Variants in ABCA4 observed in about 807,000 individuals in gnomAD.
ABCA4 encodes the protein ATP binding cassette subfamily A member 4.
In ABCA4, 196 loss-of-function variants were observed where a neutral mutation model predicts 263.7. The ratio of observed to expected loss-of-function variants is 0.74; its 90% CI spans 0.66 to 0.84. ABCA4 has a LOEUF of 0.84. Ranked by LOEUF, ABCA4 falls within the 40% of genes least tolerant of loss-of-function variation. The pLI is 0.00. For missense variants in ABCA4, 2,792 were observed against 2,855.1 expected (o/e 0.98, Z 0.50); for synonymous variants, 1,133 against 1,094.2 (o/e 1.04, Z -0.70).
intron 38 of ABCA4, 42 bp from the exon 39 acceptor site, chr1:94,011,427 CA>C (rs1659544278): frequency 2.5e-6 from 4 of 1,602,896 alleles, no homozygotes; most frequent in Non-Finnish European, 3.4e-6. Context: ...GGGCAAACCC[CA>C]CCCCCCCTCT....
Position 93,993,143 on chromosome 1 carries a change from G to T in ABCA4, c.*94C>A. On this transcript the variant is annotated 3_prime_UTR_variant, in exon 50 of 50. Coordinates refer to ENST00000370225, the MANE Select transcript of ABCA4 (RefSeq NM_000350.3). ...TGCTGCAGTGGGGTCATTTACGCTGGCCAGTCCATTTGGATGACCATATGG... is the reference window on the plus strand; with the variant it reads ...TGCTGCAGTGGGGTCATTTACGCTGTCCAGTCCATTTGGATGACCATATGG... The T allele has an allele frequency of 6.5e-7, 1 of 1,531,948 alleles. No individual in the cohort carries two copies. The highest frequency in any genetic ancestry group is 9.0e-7 in the Non-Finnish European group (1 of 1,107,722). 94.9% of individuals were successfully genotyped at this position (1,531,948 alleles called of 1,614,324 possible).
intron 17 of ABCA4, among the ~76,000 whole-genome samples, chr1:94,049,619 G>T (rs1008960270): frequency 6.6e-6 from 1 of 152,112 alleles, no homozygotes; most frequent in Non-Finnish European, 1.5e-5. Context: ...GTGAGACTCT[G>T]TCTCAAAAAA....
At chr1:94,055,083 C>A (rs1570385840) in intron 16 of ABCA4, 28 bp downstream of exon 16, 1 of 1,603,772 alleles carries the variant, frequency 6.2e-7, no homozygotes, top group East Asian at 2.2e-5. Flanking sequence ...AACTCAATTA[C>A]CTTTACCCTA....
At chr1:94,070,717 G>C (rs1024241707) in intron 11 of ABCA4, among the ~76,000 whole-genome samples, 9 of 152,202 alleles carry the variant, frequency 5.9e-5, no homozygotes, top group African/African-American at 2.2e-4. Flanking sequence ...CCTGAGTCCT[G>C]AAGCGTGGGT....
chr1:94,044,607 G>C lies in ABCA4; in HGVS notation c.3050+6C>G. On this transcript the variant is annotated splice_donor_region_variant and intron_variant, in intron 20 of 49. Coordinates refer to ENST00000370225, the MANE Select transcript of ABCA4 (RefSeq NM_000350.3). ...ATGGGGCGGTCTCAGTTCCTGTGTCGCTTACTGGTGGAACAGGATGTTGTG... is the reference window on the plus strand; with the variant it reads ...ATGGGGCGGTCTCAGTTCCTGTGTCCCTTACTGGTGGAACAGGATGTTGTG... The C allele has an allele frequency of 6.2e-7, 1 of 1,614,170 alleles. No homozygotes were observed. Among genetic ancestry groups the C allele is most frequent in the Non-Finnish European group, 8.5e-7 (1 of 1,180,024 alleles).
chr1:94,008,424 G>T, intron 41 of ABCA4, 127 bp from the exon 42 acceptor site: 1 of 961,602 alleles, frequency 1.0e-6, no homozygotes, highest in Non-Finnish European at 1.7e-6. Context: ...ATATTGACAT[G>T]GGCAGGCACA....
chr1:94,017,765 C>G (rs1424844880), intron 36 of ABCA4, among the ~76,000 whole-genome samples: 2 of 152,020 alleles, frequency 1.3e-5, no homozygotes, highest in East Asian at 3.9e-4. Context: ...TGAGAAGGGG[C>G]ATCTTGCTGA....
intron 30 of ABCA4, among the ~76,000 whole-genome samples, chr1:94,026,923 A>AGT (rs914306299): frequency 8.6e-5 from 13 of 151,442 alleles, no homozygotes; most frequent in African/African-American, 2.4e-4. Flanking sequence ...TGGGTTTGTG[A>AGT]GTGTGTGTGT....
chr1:94,101,431 C>G (rs1307597103), intron 5 of ABCA4, among the ~76,000 whole-genome samples: 1 of 152,236 alleles, frequency 6.6e-6, no homozygotes, highest in Non-Finnish European at 1.5e-5. Flanking sequence ...TGCCTCCAGG[C>G]TGACCCTAGG....
At chr1:94,047,115 A>G (rs1194667722) in intron 18 of ABCA4, 22 bp from the exon 19 acceptor site, 2 of 1,613,648 alleles carry the variant, frequency 1.2e-6, no homozygotes, top group East Asian at 2.2e-5. Flanking sequence ...AAAAATGAAC[A>G]TGATGTAAAC....
chr1:94,024,043 C>T (rs1420346510), intron 31 of ABCA4, among the ~76,000 whole-genome samples: 2 of 152,164 alleles, frequency 1.3e-5, no homozygotes, highest in Non-Finnish European at 2.9e-5. Context: ...CTGTTTATTG[C>T]ATTCTATTTA....
chr1:94,041,271 C>T lies in ABCA4; in HGVS notation c.3460G>A (p.Gly1154Ser). 6.2e-7 allele frequency: 1 copy of T among 1,614,156 alleles called. No homozygotes were observed. Among genetic ancestry groups the T allele is most frequent in the Non-Finnish European group, 8.5e-7 (1 of 1,180,034 alleles). ...TTGCGCACCAAGGTTAAGTACAAGC[C>T]TGTGCCAAAGCAGTTCTTCAGGAAG... ...PLFLKNCFGT[G>S]LYLTLVRKMK... The change falls in exon 23 of 50, where the codon GGC becomes AGC. Residue 1154 changes from glycine to serine, a missense_variant. Gly to Ser is a moderately conservative substitution (Grantham distance 56, BLOSUM62 0). Transcript: ENST00000370225.
chr1:94,090,213 T>C lies in ABCA4; in HGVS notation c.769-6772A>G, dbSNP rs1470847343. On this transcript the variant is annotated intron_variant, in intron 6 of 49. Coordinates refer to ENST00000370225, the MANE Select transcript of ABCA4 (RefSeq NM_000350.3). Reference sequence around the variant, plus strand: ...GTTTTGTTTTCTCTCATCAACGGTATGATAAAACAGTGTTGAATGAAACTC... The same window carrying C: ...GTTTTGTTTTCTCTCATCAACGGTACGATAAAACAGTGTTGAATGAAACTC... 2.0e-5 allele frequency among the ~76,000 whole-genome samples: 3 copies of C among 152,272 alleles called. No homozygotes were observed. In the South Asian group the frequency reaches 6.2e-4, roughly 31 times the overall value.
chr1:94,071,364 A>G (rs1291565389), intron 11 of ABCA4, among the ~76,000 whole-genome samples: 1 of 152,226 alleles, frequency 6.6e-6, no homozygotes, highest in Non-Finnish European at 1.5e-5. Context: ...AATAGTGCCT[A>G]TTATGCTGCA....
At position 94,080,521 on chromosome 1, in the gene ABCA4, G is replaced by T. The variant is rs1456527211; in HGVS notation, c.1056C>A (p.Asp352Glu). Reference sequence around the variant, plus strand: ...AATAGATAGGATCCTTCCTTGTGGAGTCAATCCCCAGAAAGGCCTTATAGT... The same window carrying T: ...AATAGATAGGATCCTTCCTTGTGGATTCAATCCCCAGAAAGGCCTTATAGT... Reference protein sequence around the residue: ...DNNYKAFLGIDSTRKDPIYSY... With the variant: ...DNNYKAFLGIESTRKDPIYSY... The change falls in exon 8 of 50, where the codon GAC (aspartate) becomes GAA (glutamate). Residue 352 changes from aspartate (D) to glutamate (E), a missense_variant. Asp to Glu is a conservative substitution (Grantham distance 45). Transcript: ENST00000370225. 5 of 1,614,020 alleles carry T rather than the reference G, an allele frequency of 3.1e-6. No individual in the cohort carries two copies. In the Admixed American group the frequency reaches 8.3e-5, roughly 27 times the overall value.
At chr1:94,109,876 G>A (rs1031733382) in intron 3 of ABCA4, among the ~76,000 whole-genome samples, 2 of 152,212 alleles carry the variant, frequency 1.3e-5, no homozygotes, top group African/African-American at 4.8e-5. Flanking sequence ...CACTCATAAT[G>A]TGAGTGCAAA....
In ABCA4 at chr1:94,020,835, G is replaced by A. The variant is rs77802733; in HGVS notation, c.5018+405C>T. ...AGCTTGAGGGTAGCAAAGCTCTGTC[G>A]ACATCTCCAAAGTATGCTCTTCTGA... On this transcript the variant is annotated intron_variant, in intron 35 of 49. Coordinates refer to ENST00000370225, the MANE Select transcript of ABCA4 (RefSeq NM_000350.3). Among the ~76,000 whole-genome samples, 318 of 152,330 alleles carry A rather than the reference G, an allele frequency of 2.1e-3. 2 individuals carry two copies. Among genetic ancestry groups the A allele is most frequent in the African/African-American group, 6.9e-3 (285 of 41,578 alleles).
intron 47 of ABCA4, among the ~76,000 whole-genome samples, chr1:93,998,341 C>A (rs1161292782): frequency 2.0e-5 from 3 of 152,044 alleles, no homozygotes; most frequent in African/African-American, 7.2e-5. Context: ...ATTAGCAGGG[C>A]ATGGTGGCAC....
At chr1:94,087,135 T>C (rs762459692) in intron 6 of ABCA4, among the ~76,000 whole-genome samples, 1 of 152,180 alleles carries the variant, frequency 6.6e-6, no homozygotes, top group East Asian at 1.9e-4. Context: ...AGGCCCCACC[T>C]CCTAATGCCA....
Sources: allele counts gnomAD v4.1 joint callset (sites outside exome capture counted in the v4.1 genomes callset), GRCh38; gene constraint gnomAD v4.1.1; transcripts MANE v1.5; gene names NCBI Gene and HGNC (gene_info 2026-07-23, HGNC 2026-07-21).